ESR2: variants seen among roughly 807,000 people sequenced by gnomAD.
The protein encoded by ESR2 is estrogen receptor beta.
Under a neutral mutation model 49.6 loss-of-function variants are expected in ESR2, and 36 were observed. The observed-to-expected ratio is 0.73, with a 90% CI of 0.56 to 0.96. The LOEUF (loss-of-function observed/expected upper bound fraction) is 0.96, where lower values mean the gene tolerates loss of function less well. ESR2 is among the 40% of genes least tolerant of loss of function. The pLI is 0.00. For synonymous variants in ESR2, 320 were observed against 266.1 expected, an observed-to-expected ratio of 1.20 and a Z score of -1.97; for missense variants, 714 against 693.0, an observed-to-expected ratio of 1.03 and a Z score of -0.34.
chr14:64,327,153 T>G (rs1320867773), intron 1 of ESR2, among the ~76,000 whole-genome samples: 1 of 152,208 alleles, frequency 6.6e-6, no homozygotes, highest in Non-Finnish European at 1.5e-5. Context: ...CCTTTTCTCT[T>G]TAAACCAGAT....
intron 3 of ESR2, among the ~76,000 whole-genome samples, chr14:64,269,778 A>C (rs570458560): frequency 1.3e-5 from 2 of 152,366 alleles, no homozygotes; most frequent in South Asian, 4.1e-4. Context: ...TGAACTTGTT[A>C]GTTATATAGC....
intron 1 of ESR2, among the ~76,000 whole-genome samples, chr14:64,314,611 C>T (rs1296549868): frequency 6.6e-6 from 1 of 152,010 alleles, no homozygotes; most frequent in Non-Finnish European, 1.5e-5. Flanking sequence ...GGCACGGTGG[C>T]TCACACCTGT....
intron 1 of ESR2, among the ~76,000 whole-genome samples, chr14:64,316,075 T>A (rs1294087249): frequency 6.6e-6 from 1 of 152,180 alleles, no homozygotes; most frequent in Non-Finnish European, 1.5e-5. Flanking sequence ...AGCAGCATGA[T>A]CATAGCTCAT....
At position 64,229,246 on chromosome 14, in the gene ESR2, C is replaced by T. The variant is rs984328079; in HGVS notation, c.*3891G>A. On this transcript the variant is annotated 3_prime_UTR_variant, in exon 9 of 9. Coordinates refer to ENST00000341099, the MANE Select transcript of ESR2 (RefSeq NM_001437.3). ...CAGCAGAAGACAACCCTAACTTCAC[C>T]GCCCCTCCATTCTGCTGCGACTCAG... 7.2e-5 allele frequency among the ~76,000 whole-genome samples: 11 copies of T among 152,088 alleles called. No homozygotes were observed. Among genetic ancestry groups the T allele is most frequent in the African/African-American group, 2.2e-4 (9 of 41,396 alleles).
rs1212104637 is a variant in ESR2 at position 64,244,385 on chromosome 14, G to T, written c.1225+5161C>A. Among the ~76,000 whole-genome samples the T allele has an allele frequency of 2.1e-5, 3 of 146,012 alleles. No individual in the cohort carries two copies. The Admixed American group carries it at 2.1e-4, about 10-fold the overall frequency. ...ACTGCACTCCAGCCTGAGTAACAAAGCAAGACTTCATCTCAAAAAAAAAAA... is the reference window on the plus strand; with the variant it reads ...ACTGCACTCCAGCCTGAGTAACAAATCAAGACTTCATCTCAAAAAAAAAAA... On this transcript the variant is annotated intron_variant, in intron 7 of 8. Coordinates refer to ENST00000341099, the MANE Select transcript of ESR2 (RefSeq NM_001437.3).
chr14:64,240,092 G>A (rs2075689334), intron 7 of ESR2, among the ~76,000 whole-genome samples: 1 of 152,214 alleles, frequency 6.6e-6, no homozygotes, highest in Non-Finnish European at 1.5e-5. Flanking sequence ...ATTATTAGTA[G>A]ATATGCATAA....
rs980473098 is a variant in ESR2, at chr14:64,302,494, G to A, written c.-90-19419C>T. ...GAGGCACCGCGCCCGGCCTCACCTG[G>A]GTTGCTTATTTAAAATACAGATTCC... On this transcript the variant is annotated intron_variant, in intron 1 of 8. Transcript: ENST00000358599. Among the ~76,000 whole-genome samples the A allele has an allele frequency of 3.3e-5, 5 of 151,432 alleles. No homozygotes were observed. In the East Asian group the frequency reaches 9.7e-4, roughly 29 times the overall value.
rs2098724654 is a variant in ESR2 at position 64,228,767 on chromosome 14, A to G, written c.*4370T>C. Among the ~76,000 whole-genome samples the G allele has an allele frequency of 6.6e-6, 1 of 152,166 alleles. No homozygotes were observed. The highest frequency in any genetic ancestry group is 2.4e-5 in the African/African-American group (1 of 41,438). ...CCAGTTTACCAGTGGCTGGCCCTAC[A>G]AGTGAATAGGATCCTCGGAATTAAA... On this transcript the variant is annotated 3_prime_UTR_variant, in exon 9 of 9. Transcript: ENST00000341099.
rs1482517086 is a variant in ESR2 at position 64,229,136 on chromosome 14, A to G, written c.*4001T>C. Among the ~76,000 whole-genome samples the G allele has an allele frequency of 6.6e-6, 1 of 152,134 alleles. No individual in the cohort carries two copies. Among genetic ancestry groups the G allele is most frequent in the African/African-American group, 2.4e-5 (1 of 41,428 alleles). ...GGACAATGGGAATAACAGATTATGC[A>G]TCTTATTTTTCCATCTGTCATTGCT... On this transcript the variant is annotated 3_prime_UTR_variant, in exon 9 of 9. Coordinates refer to ENST00000341099, the MANE Select transcript of ESR2 (RefSeq NM_001437.3).
intron 1 of ESR2, among the ~76,000 whole-genome samples, chr14:64,313,918 G>C (rs573155197): frequency 6.6e-6 from 1 of 151,230 alleles, no homozygotes; most frequent in African/African-American, 2.4e-5. Context: ...AGAAGAAAGA[G>C]AAAAATCCAC....
chr14:64,237,067 TCTC>T (rs1398983935), intron 7 of ESR2, among the ~76,000 whole-genome samples: 5 of 151,876 alleles, frequency 3.3e-5, no homozygotes, highest in African/African-American at 1.2e-4. Flanking sequence ...TTCAAGCAAT[TCTC>T]CTGCCTCAGC....
intron 1 of ESR2, among the ~76,000 whole-genome samples, chr14:64,310,419 C>T (rs1476926747): frequency 6.6e-6 from 1 of 151,362 alleles, no homozygotes; most frequent in East Asian, 1.9e-4. Context: ...AGATTCTGTT[C>T]CAAAGGTAAA....
At chr14:64,233,662 A>G (rs61366663) in intron 8 of ESR2, 3,874 of 256,458 alleles carry the variant, frequency 0.015, 44 homozygotes, top group Non-Finnish European at 0.024. Context: ...AGGTTCCTGC[A>G]AGCCTCTGGC....
chr14:64,286,656 C>A (rs1366353693), intron 1 of ESR2, among the ~76,000 whole-genome samples: 1 of 152,044 alleles, frequency 6.6e-6, no homozygotes, highest in Non-Finnish European at 1.5e-5. Flanking sequence ...TTATTCTTAA[C>A]AGAAAATATG....
intron 7 of ESR2, 35 bp from the exon 8 acceptor site, chr14:64,235,185 T>C: frequency 6.3e-7 from 1 of 1,593,780 alleles, no homozygotes; most frequent in African/African-American, 1.3e-5. Context: ...GTCATTGCTC[T>C]GAGCAAAGGA....
At chr14:64,238,314 T>A (rs569091958) in intron 7 of ESR2, among the ~76,000 whole-genome samples, 1 of 152,154 alleles carries the variant, frequency 6.6e-6, no homozygotes, top group Non-Finnish European at 1.5e-5. Context: ...GCACTGCAGT[T>A]GTGGAAAGGC....
chr14:64,230,119 C>A lies in ESR2; in HGVS notation c.*3018G>T, dbSNP rs2098725839. ...CACTGTGGTGGGAGGATCGCTTGAG[C>A]CCAGGAGGTCGAGGCTGCAGTGAGC... On this transcript the variant is annotated 3_prime_UTR_variant, in exon 9 of 9. Coordinates refer to ENST00000341099, the MANE Select transcript of ESR2 (RefSeq NM_001437.3). Among the ~76,000 whole-genome samples, 1 of 151,592 alleles carries A rather than the reference C, an allele frequency of 6.6e-6. No homozygotes were observed. Among genetic ancestry groups the A allele is most frequent in the East Asian group, 1.9e-4 (1 of 5,166 alleles).
intron 4 of ESR2, among the ~76,000 whole-genome samples, chr14:64,263,581 C>T (rs1342307771): frequency 6.6e-6 from 1 of 151,996 alleles, no homozygotes; most frequent in Non-Finnish European, 1.5e-5. Context: ...CGCACAAACC[C>T]AGGAGGCACA....
At position 64,233,123 on chromosome 14, in the gene ESR2, C is replaced by T; in HGVS notation, c.*14G>A. The T allele has an allele frequency of 6.2e-7, 1 of 1,610,556 alleles. No individual in the cohort carries two copies. Among genetic ancestry groups the T allele is most frequent in the Non-Finnish European group, 8.5e-7 (1 of 1,177,446 alleles). ...CTGTGACCTCTGTGGGCCAGTTCACCTCAGGGCCAGGCGTCACTGAGACTG... is the reference window on the plus strand; with the variant it reads ...CTGTGACCTCTGTGGGCCAGTTCACTTCAGGGCCAGGCGTCACTGAGACTG... On this transcript the variant is annotated 3_prime_UTR_variant, in exon 9 of 9. Coordinates refer to ENST00000341099, the MANE Select transcript of ESR2 (RefSeq NM_001437.3).
Sources: allele counts gnomAD v4.1 joint callset (sites outside exome capture counted in the v4.1 genomes callset), GRCh38; gene constraint gnomAD v4.1.1; transcripts MANE v1.5; gene names NCBI Gene and HGNC (gene_info 2026-07-23, HGNC 2026-07-21).